Variants in SYDE2 observed in about 807,000 individuals in gnomAD.
SYDE2 encodes the protein synapse defective Rho GTPase homolog 2.
A neutral mutation model predicts 91.5 loss-of-function variants in SYDE2; 76 were observed. That is an observed-to-expected ratio of 0.83 (90% confidence interval 0.69 to 1.01). The LOEUF (loss-of-function observed/expected upper bound fraction) is 1.01, where lower values mean the gene tolerates loss of function less well. Among genes scored for constraint, SYDE2 ranks in the 50% least tolerant of loss-of-function variants. SYDE2 has a pLI of 0.00. For synonymous variants in SYDE2, 513 were observed against 506.4 expected, an observed-to-expected ratio of 1.01 and a Z score of -0.18; for missense variants, 1,364 against 1,367.7, an observed-to-expected ratio of 1.00 and a Z score of 0.04.
intron 4 of SYDE2, among the ~76,000 whole-genome samples, chr1:85,176,652 G>A (rs1009479447): frequency 6.6e-6 from 1 of 152,154 alleles, no homozygotes; most frequent in African/African-American, 2.4e-5. Context: ...AAAAATGGCA[G>A]TTGTCAGTAG....
Position 85,182,657 on chromosome 1 carries a change from G to A in SYDE2, c.1985C>T (p.Ala662Val). ...ATCAGAAAAGCTATAATGCCTAAAA[G>A]CATCAATGTCTATTTCATTCTTGCT... ...SCSKNEIDIDAFRHYSFSDQP... is the reference protein window; with the variant it reads ...SCSKNEIDIDVFRHYSFSDQP... Residue 662 changes from alanine (A) to valine (V), a missense_variant, in exon 3 of 7, where the codon GCT becomes GTT. Transcript: ENST00000341460. 1 of 1,613,732 alleles carries A rather than the reference G, an allele frequency of 6.2e-7. No individual in the cohort carries two copies. The highest frequency in any genetic ancestry group is 8.5e-7 in the Non-Finnish European group (1 of 1,179,804).
intron 6 of SYDE2, chr1:85,159,743 G>T: frequency 1.6e-6 from 1 of 628,152 alleles, no homozygotes; most frequent in Non-Finnish European, 2.0e-6. Context: ...AATTCTATTA[G>T]CATCAGAGTC....
In SYDE2 at chr1:85,159,099, C is replaced by A. The variant is rs575228527; in HGVS notation, c.3236G>T (p.Arg1079Leu). The part of the protein sequence containing the change: ...SSGVLRPRQN[R>L]LDSPLSNRYA... ...ACGATTGCTAAGTGGACTGTCTAATCGGTTTTGCCTTGGCCTAAGTACTCC... is the reference window on the plus strand; with the variant it reads ...ACGATTGCTAAGTGGACTGTCTAATAGGTTTTGCCTTGGCCTAAGTACTCC... The change falls in exon 7 of 7, where the codon CGA becomes CTA. Residue 1079 changes from arginine to leucine, a missense_variant. Arg to Leu is a moderately radical substitution (Grantham distance 102, BLOSUM62 -2). Coordinates refer to ENST00000341460, the MANE Select transcript of SYDE2 (RefSeq NM_032184.2). The A allele has an allele frequency of 1.3e-6, 1 of 780,832 alleles. No individual in the cohort carries two copies. Among genetic ancestry groups the A allele is most frequent in the African/African-American group, 1.7e-5 (1 of 59,248 alleles). The allele number at this position is 780,832 out of a possible 1,614,324, so 48.4% of individuals were successfully genotyped here. A position where few individuals can be genotyped will look rare whatever the true frequency, so the allele number is the denominator to read the frequency against.
At position 85,182,953 on chromosome 1, in the gene SYDE2, T is replaced by A; in HGVS notation, c.1689A>T (p.Lys563Asn). The A allele has an allele frequency of 6.2e-7, 1 of 1,613,846 alleles. No homozygotes were observed. Reference sequence around the variant, plus strand: ...TATGATGAACTTCTCGGCAGTTATATTTAGACAAAGAAGGAGTATTATCTG... The same window carrying A: ...TATGATGAACTTCTCGGCAGTTATAATTAGACAAAGAAGGAGTATTATCTG... Reference protein sequence around the residue: ...NSPDNTPSLSKYNCREVHHTD... With the variant: ...NSPDNTPSLSNYNCREVHHTD... Residue 563 changes from lysine to asparagine, a missense_variant, in exon 3 of 7, where the codon AAA becomes AAT. Lys to Asn is a moderately conservative substitution (Grantham distance 94). Transcript: ENST00000341460.
At chr1:85,178,739 G>A (rs1223658859) in intron 3 of SYDE2, among the ~76,000 whole-genome samples, 4 of 151,490 alleles carry the variant, frequency 2.6e-5, no homozygotes, top group Non-Finnish European at 4.4e-5. Context: ...TAAGTATATA[G>A]TTGAAATAAG....
chr1:85,163,338 C>T (rs1356557859), intron 6 of SYDE2, among the ~76,000 whole-genome samples: 1 of 150,592 alleles, frequency 6.6e-6, no homozygotes, highest in Non-Finnish European at 1.5e-5. Flanking sequence ...AAACTCCTGA[C>T]CTTGTGATCC....
intron 4 of SYDE2, among the ~76,000 whole-genome samples, chr1:85,170,112 C>CTT: frequency 2.5e-5 from 2 of 79,920 alleles, no homozygotes; most frequent in Non-Finnish European, 4.9e-5. Context: ...AGCTTCCCAT[C>CTT]TCTTTTTTTT....
At chr1:85,183,938 T>A (rs531987958) in intron 2 of SYDE2, among the ~76,000 whole-genome samples, 2 of 152,138 alleles carry the variant, frequency 1.3e-5, no homozygotes, top group African/African-American at 4.8e-5. Context: ...CTTAACTAAT[T>A]ATTAAAATGA....
Position 85,200,708 on chromosome 1 carries a change from G to A in SYDE2, c.289C>T (p.Pro97Ser). The A allele has an allele frequency of 1.3e-6, 2 of 1,536,478 alleles. No homozygotes were observed. Among genetic ancestry groups the A allele is most frequent in the Non-Finnish European group, 1.7e-6 (2 of 1,146,800 alleles). The change falls in exon 1 of 7, where the codon CCT (proline) becomes TCT (serine). Residue 97 changes from proline (P) to serine (S), a missense_variant. Transcript: ENST00000341460. ...TCGCTCGGCCACCGCTGGAAGGGAG[G>A]CGGCTTGGCACCCACCCGGAGGCTC... ...LESLRVGAKP[P>S]PFQRWPSDSW...
At chr1:85,200,126 CACTT>C in intron 1 of SYDE2, 122 bp downstream of exon 1, 3 of 1,530,390 alleles carry the variant, frequency 2.0e-6, no homozygotes, top group Non-Finnish European at 2.6e-6. Flanking sequence ...ACTTACATGA[CACTT>C]ACTTTCGCCC....
chr1:85,200,883 C>G lies in SYDE2; in HGVS notation c.114G>C (p.Ala38=). 1 of 1,338,084 alleles carries G rather than the reference C, an allele frequency of 7.5e-7. No homozygotes were observed. The highest frequency in any genetic ancestry group is 9.5e-7 in the Non-Finnish European group (1 of 1,054,234). The allele number at this position is 1,338,084 out of a possible 1,614,324, so 82.9% of individuals were successfully genotyped here. ...APGQPPSRGA[A]YRRACPRDGE... ...CGTCCCGGGGGCAGGCTCGGCGGTA[C>G]GCGGCGCCGCGGGAAGGCGGCTGGC... is the stretch of plus-strand genomic sequence containing the variant. Residue 38 remains alanine, a synonymous_variant, in exon 1 of 7, where the codon GCG becomes GCC. Coordinates refer to ENST00000341460, the MANE Select transcript of SYDE2 (RefSeq NM_032184.2).
At chr1:85,179,090 T>C (rs534606057) in intron 3 of SYDE2, among the ~76,000 whole-genome samples, 1 of 152,238 alleles carries the variant, frequency 6.6e-6, no homozygotes, top group South Asian at 2.1e-4. Context: ...CTATCAAAGT[T>C]CTTTGAAAGA....
rs1379248628 is a variant in SYDE2 at position 85,200,259 on chromosome 1, C to A, written c.738G>T (p.Thr246=). 1.9e-6 allele frequency: 3 copies of A among 1,613,934 alleles called. No individual in the cohort carries two copies. Among genetic ancestry groups the A allele is most frequent in the Non-Finnish European group, 8.5e-7 (1 of 1,179,900 alleles). Residue 246 remains threonine (T), a synonymous_variant, in exon 1 of 7, where the codon ACG becomes ACT. Transcript: ENST00000341460. ...CATCGCAAAGTATCCTACCTGTCAG[C>A]GTAATTCTTTGGTCTGGAGGCACCG... ...VLSVPPDQRI[T]LTDLFENAYG... is the part of the protein sequence containing the mutation.
Position 85,190,616 on chromosome 1 carries a change from A to G in SYDE2, c.882T>C (p.Ser294=). 6.2e-7 allele frequency: 1 copy of G among 1,613,884 alleles called. No homozygotes were observed. Among genetic ancestry groups the G allele is most frequent in the Non-Finnish European group, 8.5e-7 (1 of 1,179,880 alleles). Residue 294 remains serine, a synonymous_variant, in exon 2 of 7, where the codon AGT becomes AGC. Coordinates refer to ENST00000341460, the MANE Select transcript of SYDE2 (RefSeq NM_032184.2). ...VSKKRNWLYQ[S]TLRPLNLEEE... ...CTTCCAGATTAAGAGGCCTCAGAGTACTCTGATATAGCCAATTGCGTTTCT... is the reference window on the plus strand; with the variant it reads ...CTTCCAGATTAAGAGGCCTCAGAGTGCTCTGATATAGCCAATTGCGTTTCT...
chr1:85,186,981 A>G (rs1347839450), intron 2 of SYDE2, among the ~76,000 whole-genome samples: 1 of 152,194 alleles, frequency 6.6e-6, no homozygotes, highest in East Asian at 1.9e-4. Context: ...TAAAACACCA[A>G]AAGCAATGGC....
intron 3 of SYDE2, among the ~76,000 whole-genome samples, chr1:85,180,842 TAATA>T (rs144828848): frequency 0.035 from 5,356 of 152,260 alleles, 312 homozygotes; most frequent in African/African-American, 0.12. Flanking sequence ...TTGAGTTACT[TAATA>T]TTCAACTATA....
At position 85,158,114 on chromosome 1, in the gene SYDE2, AC is replaced by A. The variant is rs1242011583; in HGVS notation, c.*635del. 6.6e-6 allele frequency: 1 copy of A among 152,470 alleles called. No individual in the cohort carries two copies. The highest frequency in any genetic ancestry group is 1.5e-5 in the Non-Finnish European group (1 of 68,246). The allele number at this position is 152,470 out of a possible 1,614,324, so 9.4% of individuals were successfully genotyped here. Reference sequence around the variant, plus strand: ...ATCTAGAGGCCAGGCGCAGTGGCTCACGCCTGTAATCCCAGCACTTTGGGAG... The same window carrying A: ...ATCTAGAGGCCAGGCGCAGTGGCTCAGCCTGTAATCCCAGCACTTTGGGAG... On this transcript the variant is annotated 3_prime_UTR_variant, in exon 7 of 7. Transcript: ENST00000341460.
At chr1:85,184,175 T>C (rs1570261404) in intron 2 of SYDE2, among the ~76,000 whole-genome samples, 1 of 152,276 alleles carries the variant, frequency 6.6e-6, no homozygotes, top group African/African-American at 2.4e-5. Flanking sequence ...CGAGTGAAAC[T>C]GGCACACTCC....
downstream of SYDE2, chr1:85,152,527 A>G (rs1164877838): frequency 1.3e-5 from 2 of 152,244 alleles, no homozygotes; most frequent in African/African-American, 4.8e-5. Context: ...TCAGGAGTGA[A>G]TATTTTTAAA....
Sources: allele counts gnomAD v4.1 joint callset (sites outside exome capture counted in the v4.1 genomes callset), GRCh38; gene constraint gnomAD v4.1.1; transcripts MANE v1.5; gene names NCBI Gene and HGNC (gene_info 2026-07-23, HGNC 2026-07-21).